Variants in YTHDF2 observed in about 807,000 individuals in gnomAD.
YTHDF2 encodes the protein YTH domain-containing family protein 2.
In YTHDF2, 2 loss-of-function variants were observed where a neutral mutation model predicts 50.4. The ratio of observed to expected loss-of-function variants is 0.04; its 90% CI spans 0.02 to 0.12. The LOEUF is 0.12. YTHDF2 is among the 10% of genes least tolerant of loss of function. The pLI is 1.00. For missense variants in YTHDF2, 483 were observed against 722.6 expected (o/e 0.67, Z 3.80); for synonymous variants, 217 against 255.6 (o/e 0.85, Z 1.44).
intron 4 of YTHDF2, among the ~76,000 whole-genome samples, chr1:28,761,011 C>A (rs573828524): frequency 2.0e-5 from 3 of 152,106 alleles, no homozygotes; most frequent in Admixed American, 6.6e-5. Context: ...TACATCCTTA[C>A]AGTGGCTTCG....
intron 4 of YTHDF2, among the ~76,000 whole-genome samples, chr1:28,752,462 A>AT (rs1240348515): frequency 6.6e-6 from 1 of 151,982 alleles, no homozygotes; most frequent in East Asian, 1.9e-4. Context: ...CTCCCGGCTA[A>AT]TTTTTGTATT....
At chr1:28,737,628 G>A (rs369191393) in intron 1 of YTHDF2, 30 bp from the exon 2 acceptor site, 1 of 1,613,516 alleles carries the variant, frequency 6.2e-7, no homozygotes. Flanking sequence ...TGGACAACTT[G>A]CTGCTCGGCG....
In YTHDF2 at chr1:28,742,772, C is replaced by G; in HGVS notation, c.502C>G (p.Gln168Glu). 2 of 1,614,176 alleles carry G rather than the reference C, an allele frequency of 1.2e-6. No individual in the cohort carries two copies. The highest frequency in any genetic ancestry group is 2.2e-5 in the South Asian group (2 of 91,084). Residue 168 changes from glutamine (Q) to glutamate (E), a missense_variant, in exon 4 of 5, where the codon CAG becomes GAG. Gln to Glu is a conservative substitution (Grantham distance 29). Around this residue, in one of 4 missense-constraint regions of YTHDF2, gnomAD observed 385 missense variants for 475.8 expected, o/e 0.81. Coordinates refer to ENST00000373812, the MANE Select transcript of YTHDF2 (RefSeq NM_016258.3). The stretch of plus-strand genomic sequence containing the variant: ...CTTAGGTGGAGCCATGATTGATGGA[C>G]AGTCAGCTTTTGCCAATGAGACCCT... Reference protein sequence around the residue: ...SSLGGAMIDGQSAFANETLNK... With the variant: ...SSLGGAMIDGESAFANETLNK...
At position 28,737,672 on chromosome 1, in the gene YTHDF2, A is replaced by G. The variant is rs767949416; in HGVS notation, c.42A>G (p.Gln14=). The G allele has an allele frequency of 1.2e-6, 2 of 1,613,402 alleles. No homozygotes were observed. Among genetic ancestry groups the G allele is most frequent in the Admixed American group, 3.3e-5 (2 of 60,004 alleles). Residue 14 remains glutamine, a synonymous_variant, in exon 2 of 5, where the codon CAA becomes CAG. Transcript: ENST00000373812. ...SSLLEQRPKG[Q]GNKVQNGSVH... ...TTCCCCTGCAGAGACCAAAAGGTCA[A>G]GGAAACAAAGGTAAGTCCCGCTCCG...
At chr1:28,756,115 A>T (rs1216538187) in intron 4 of YTHDF2, among the ~76,000 whole-genome samples, 1 of 152,198 alleles carries the variant, frequency 6.6e-6, no homozygotes, top group Non-Finnish European at 1.5e-5. Context: ...GTGTTTGCAG[A>T]GTCGGTATCT....
chr1:28,767,574 T>A (rs2088237009), intron 4 of YTHDF2, among the ~76,000 whole-genome samples: 1 of 152,122 alleles, frequency 6.6e-6, no homozygotes, highest in South Asian at 2.1e-4. Context: ...AGTGGCACGA[T>A]CTCGGCTCAC....
Position 28,742,894 on chromosome 1 carries a change from T to C in YTHDF2, c.624T>C (p.Gly208=), listed in dbSNP as rs777794307. 1.9e-6 allele frequency: 3 copies of C among 1,613,878 alleles called. No homozygotes were observed. Among genetic ancestry groups the C allele is most frequent in the Non-Finnish European group, 8.5e-7 (1 of 1,180,004 alleles). Residue 208 remains glycine (G), a synonymous_variant, in exon 4 of 5, where the codon GGT becomes GGC. Coordinates refer to ENST00000373812, the MANE Select transcript of YTHDF2 (RefSeq NM_016258.3). ...EVASNVPKVV[G]SAVGSGSITS... ...CAAGCAATGTTCCAAAAGTTGTAGG[T>C]TCTGCTGTTGGTAGCGGGTCCATTA...
At chr1:28,762,220 G>A (rs984988435) in intron 4 of YTHDF2, among the ~76,000 whole-genome samples, 3 of 151,992 alleles carry the variant, frequency 2.0e-5, no homozygotes, top group African/African-American at 4.8e-5. Context: ...GTGAAACCCC[G>A]TCTCTACTAA....
At chr1:28,748,109 CAG>C (rs1193531649) in intron 4 of YTHDF2, among the ~76,000 whole-genome samples, 1 of 148,244 alleles carries the variant, frequency 6.7e-6, no homozygotes, top group Non-Finnish European at 1.5e-5. Flanking sequence ...GCCTGGGCGA[CAG>C]AGCGAGACTC....
intron 4 of YTHDF2, among the ~76,000 whole-genome samples, chr1:28,763,435 G>A (rs2088163930): frequency 6.6e-6 from 1 of 151,668 alleles, no homozygotes; most frequent in Non-Finnish European, 1.5e-5. Flanking sequence ...CACCAGGGCT[G>A]GCTAGTTTTT....
chr1:28,749,859 A>G (rs916725374), intron 4 of YTHDF2, among the ~76,000 whole-genome samples: 1 of 151,730 alleles, frequency 6.6e-6, no homozygotes, highest in African/African-American at 2.4e-5. Flanking sequence ...AGGAAGTGTG[A>G]TTGTGGTGGC....
In YTHDF2 at chr1:28,743,813, C is replaced by T; in HGVS notation, c.1543C>T (p.Leu515=). 6.2e-7 allele frequency: 1 copy of T among 1,613,824 alleles called. No homozygotes were observed. Among genetic ancestry groups the T allele is most frequent in the Non-Finnish European group, 8.5e-7 (1 of 1,179,858 alleles). The change falls in exon 4 of 5, where the codon CTA becomes TTA. Residue 515 remains leucine (L), a synonymous_variant. Transcript: ENST00000373812. The surrounding 1 kb of genome is among the most constrained non-coding windows in gnomAD (Gnocchi z 6.9). Reference sequence around the variant, plus strand: ...CAATAGCCAACTGCGACACATTCGCCTAGAGAACAACGAGAATAAACCAGT... The same window carrying T: ...CAATAGCCAACTGCGACACATTCGCTTAGAGAACAACGAGAATAAACCAGT... ...VPNSQLRHIR[L]ENNENKPVTN...
At chr1:28,748,108 A>G (rs2087892818) in intron 4 of YTHDF2, among the ~76,000 whole-genome samples, 1 of 151,070 alleles carries the variant, frequency 6.6e-6, no homozygotes, top group Non-Finnish European at 1.5e-5. Flanking sequence ...AGCCTGGGCG[A>G]CAGAGCGAGA....
At chr1:28,763,558 C>T (rs1272588289) in intron 4 of YTHDF2, among the ~76,000 whole-genome samples, 3 of 152,024 alleles carry the variant, frequency 2.0e-5, no homozygotes, top group Non-Finnish European at 2.9e-5. Context: ...CAGGTTCAAG[C>T]GATTCTCCTG....
At chr1:28,748,929 C>A (rs2087905848) in intron 4 of YTHDF2, among the ~76,000 whole-genome samples, 1 of 152,054 alleles carries the variant, frequency 6.6e-6, no homozygotes, top group African/African-American at 2.4e-5. Flanking sequence ...CACTGAACAT[C>A]CTTTTGTATA....
intron 3 of YTHDF2, among the ~76,000 whole-genome samples, chr1:28,741,743 G>A (rs575241303): frequency 1.3e-5 from 2 of 152,294 alleles, no homozygotes; most frequent in African/African-American, 2.4e-5. Flanking sequence ...GTTTATGATT[G>A]AGGAACGGCT....
Position 28,738,333 on chromosome 1 carries a change from A to G in YTHDF2, c.127A>G (p.Arg43Gly). 3 of 1,613,168 alleles carry G rather than the reference A, an allele frequency of 1.9e-6. No individual in the cohort carries two copies. Among genetic ancestry groups the G allele is most frequent in the Non-Finnish European group, 2.5e-6 (3 of 1,179,070 alleles). ...DFEPYLSPQARPNNAYTAMSD... is the reference protein window; with the variant it reads ...DFEPYLSPQAGPNNAYTAMSD... ...TGAACCTTACTTGAGTCCACAGGCAAGGCCCGTGAGTAGTTAACTATTTAC... is the reference window on the plus strand; with the variant it reads ...TGAACCTTACTTGAGTCCACAGGCAGGGCCCGTGAGTAGTTAACTATTTAC... The change falls in exon 3 of 5, where the codon AGG becomes GGG. Residue 43 changes from arginine to glycine, a missense_variant. By Grantham distance (125) the Arg-to-Gly change is moderately radical. Coordinates refer to ENST00000373812, the MANE Select transcript of YTHDF2 (RefSeq NM_016258.3).
At chr1:28,768,246 T>C (rs2088250739) in intron 4 of YTHDF2, among the ~76,000 whole-genome samples, 1 of 152,142 alleles carries the variant, frequency 6.6e-6, no homozygotes, top group African/African-American at 2.4e-5. Flanking sequence ...AAGTAATGTG[T>C]GAAATGGAAG....
At chr1:28,761,027 G>A (rs189933800) in intron 4 of YTHDF2, among the ~76,000 whole-genome samples, 6 of 151,700 alleles carry the variant, frequency 4.0e-5, no homozygotes, top group African/African-American at 1.5e-4. Flanking sequence ...CTTCGACATC[G>A]CTAGGTGATA....
Sources: gnomAD v4.1 joint callset for allele counts (sites outside exome capture counted in the v4.1 genomes callset) on GRCh38, gnomAD v4.1.1 for gene constraint, gnomAD v4.1.1 regional missense constraint, Gnocchi (gnomAD v3.1) non-coding constraint, MANE v1.5 for transcripts, NCBI Gene and HGNC (gene_info 2026-07-23, HGNC 2026-07-21) for gene names.